The following PCDHA1 variants were observed in gnomAD, a reference collection of about 807,000 sequenced individuals.
PCDHA1 encodes the protein protocadherin alpha 1, also known as protocadherin alpha-1.
A neutral mutation model predicts 61.3 loss-of-function variants in PCDHA1; 42 were observed. That is an observed-to-expected ratio of 0.69 (90% CI 0.54 to 0.89). The LOEUF (loss-of-function observed/expected upper bound fraction) is 0.89. Ranked by LOEUF, PCDHA1 falls within the 40% of genes least tolerant of loss-of-function variation. The pLI, the probability that PCDHA1 is intolerant of heterozygous loss-of-function variation, is 0.00. For synonymous variants in PCDHA1, 610 were observed against 553.8 expected (o/e 1.10, Z -1.43); for missense variants, 1,256 against 1,235.3 (o/e 1.02, Z -0.25).
chr5:140,866,006 A>AT (rs879985909), intron 1 of PCDHA1: 11 of 151,858 alleles, frequency 7.2e-5, no homozygotes, highest in East Asian at 1.9e-4. Context: ...ATGTTAAGTG[A>AT]TTTTTTTCTT....
At chr5:140,967,708 C>A (rs782464741) in intron 1 of PCDHA1, 1 of 1,614,158 alleles carries the variant, frequency 6.2e-7, no homozygotes, top group Admixed American at 1.7e-5. Context: ...ATGCCAGTAC[C>A]GGGGAAGTGC....
chr5:140,991,570 C>T (rs1554252306), intron 3 of PCDHA1, among the ~76,000 whole-genome samples: 1 of 152,220 alleles, frequency 6.6e-6, no homozygotes, highest in Non-Finnish European at 1.5e-5. Context: ...TTTCCAATAA[C>T]AGGCTCCTTA....
intron 1 of PCDHA1, chr5:140,842,313 C>A: frequency 6.2e-7 from 1 of 1,607,028 alleles, no homozygotes; most frequent in Non-Finnish European, 8.5e-7. Context: ...CCTCCCATGG[C>A]GGGTCATTGC....
chr5:140,886,827 GAAA>G (rs782016620), intron 1 of PCDHA1, among the ~76,000 whole-genome samples: 1 of 60,882 alleles, frequency 1.6e-5, no homozygotes. Flanking sequence ...ACTTCGTCTT[GAAA>G]AAAAAAAAAA....
intron 1 of PCDHA1, chr5:140,836,789 T>C (rs2150269874): frequency 4.9e-6 from 7 of 1,427,046 alleles, no homozygotes; most frequent in East Asian, 2.3e-5. Context: ...ATTAGTTCAA[T>C]TGGTCTCCTT....
At chr5:140,926,964 C>T (rs149218057) in intron 1 of PCDHA1, 1 of 1,606,346 alleles carries the variant, frequency 6.2e-7, no homozygotes, top group Non-Finnish European at 8.5e-7. Flanking sequence ...AGCTCGAGTA[C>T]TCAGTGCCGG....
At chr5:140,795,085 C>T (rs1554119247) in intron 1 of PCDHA1, 1 of 1,614,028 alleles carries the variant, frequency 6.2e-7, no homozygotes, top group African/African-American at 1.3e-5. Context: ...GGAGGCCAAA[C>T]ACGGCACCTT....
intron 1 of PCDHA1, among the ~76,000 whole-genome samples, chr5:140,914,439 T>G (rs1352001626): frequency 6.6e-6 from 1 of 152,192 alleles, no homozygotes; most frequent in Admixed American, 6.6e-5. Flanking sequence ...TCTTTTCCCA[T>G]GTCTTTATTT....
chr5:140,844,707 T>C lies in PCDHA1; in HGVS notation c.2394+56023T>C, dbSNP rs2150373340. Among the ~76,000 whole-genome samples, 21 of 149,764 alleles carry C rather than the reference T, an allele frequency of 1.4e-4. 3 individuals carry two copies. The highest frequency in any genetic ancestry group is 3.0e-4 in the Non-Finnish European group (20 of 66,878). ...TTATACAGAATATTTGGGATTATCA[T>C]GGCCCATTAGTTCGTGTAAAAATAT... On this transcript the variant is annotated intron_variant, in intron 1 of 3. Transcript: ENST00000504120.
intron 1 of PCDHA1, chr5:140,835,766 G>C: frequency 6.2e-7 from 1 of 1,613,388 alleles, no homozygotes. Flanking sequence ...CCGAGTATAC[G>C]GTGTTCGTGA....
chr5:140,824,708 T>A (rs1554130043), intron 1 of PCDHA1: 1 of 146,138 alleles, frequency 6.8e-6, no homozygotes, highest in African/African-American at 2.5e-5. Flanking sequence ...CATGCTCCCG[T>A]CTCAGCCTCC....
chr5:140,951,659 C>T (rs1293655737), intron 1 of PCDHA1, among the ~76,000 whole-genome samples: 3 of 152,164 alleles, frequency 2.0e-5, no homozygotes, highest in African/African-American at 7.2e-5. Flanking sequence ...CCCACCAGGG[C>T]CTGCCTACAA....
Position 140,786,432 on chromosome 5 carries a change from G to C in PCDHA1, c.142G>C (p.Val48Leu). ...EAKHGTFVGR[V>L]AQDLGLELAE... is the part of the protein sequence containing the mutation. ...CAAACACGGCACCTTCGTTGGCCGC[G>C]TTGCTCAGGACCTGGGACTGGAGCT... The change falls in exon 1 of 4, where the codon GTT becomes CTT. Residue 48 changes from valine to leucine, a missense_variant. Physicochemically the swap from Val to Leu is conservative, Grantham distance 32. Coordinates refer to ENST00000504120, the MANE Select transcript of PCDHA1 (RefSeq NM_018900.4). The C allele has an allele frequency of 6.2e-7, 1 of 1,613,472 alleles. No individual in the cohort carries two copies. The highest frequency in any genetic ancestry group is 8.5e-7 in the Non-Finnish European group (1 of 1,180,038).
intron 1 of PCDHA1, among the ~76,000 whole-genome samples, chr5:140,898,022 T>A (rs1235447722): frequency 6.6e-6 from 1 of 152,202 alleles, no homozygotes; most frequent in Non-Finnish European, 1.5e-5. Flanking sequence ...CTTTGCCCAC[T>A]TTTTGATGGG....
At chr5:140,858,252 C>T in intron 1 of PCDHA1, 1 of 1,596,744 alleles carries the variant, frequency 6.3e-7, no homozygotes. Context: ...CCGGTGAAGC[C>T]CACGCTGGTG....
At chr5:140,855,901 A>G (rs1280645152) in intron 1 of PCDHA1, 6 of 1,088,536 alleles carry the variant, frequency 5.5e-6, no homozygotes, top group African/African-American at 4.7e-5. Flanking sequence ...GGCATCAGCC[A>G]GTTTCTCAAG....
chr5:140,902,421 A>G (rs1187358402), intron 1 of PCDHA1, among the ~76,000 whole-genome samples: 4 of 152,076 alleles, frequency 2.6e-5, no homozygotes, highest in Non-Finnish European at 5.9e-5. Context: ...AACAGTGGTG[A>G]AAGTGGGCAT....
rs1171652738 is a variant in PCDHA1 at position 140,842,111 on chromosome 5, C to A, written c.2394+53427C>A. On this transcript the variant is annotated intron_variant, in intron 1 of 3. Transcript: ENST00000504120. ...AGACAACGGAACAACAGTTATCAAA[C>A]TGAATGCTTCTGATCCGGATGAAGG... is the stretch of plus-strand genomic sequence containing the variant. The A allele has an allele frequency of 3.1e-6, 5 of 1,613,758 alleles. No individual in the cohort carries two copies. In the Admixed American group the frequency reaches 8.3e-5, roughly 27 times the overall value.
In PCDHA1 at chr5:140,835,601, A is replaced by T. The variant is rs2150239166; in HGVS notation, c.2394+46917A>T. Reference sequence around the variant, plus strand: ...TGTCCACCTTCAAGAATTACTATTCATTGGTGCTGGACAGCGCTCTGGACC... The same window carrying T: ...TGTCCACCTTCAAGAATTACTATTCTTTGGTGCTGGACAGCGCTCTGGACC... On this transcript the variant is annotated intron_variant, in intron 1 of 3. Coordinates refer to ENST00000504120, the MANE Select transcript of PCDHA1 (RefSeq NM_018900.4). 5 of 1,613,788 alleles carry T rather than the reference A, an allele frequency of 3.1e-6. No individual in the cohort carries two copies. The African/African-American group carries it at 5.3e-5, about 17-fold the overall frequency.
Sources: gnomAD v4.1 joint callset for allele counts (sites outside exome capture counted in the v4.1 genomes callset) on GRCh38, gnomAD v4.1.1 for gene constraint, MANE v1.5 for transcripts, NCBI Gene and HGNC (gene_info 2026-07-23, HGNC 2026-07-21) for gene names.